The following EXOC4 variants were observed in gnomAD, a reference collection of about 807,000 sequenced individuals.
EXOC4 encodes SEC8-like 1.
EXOC4 carries 71 observed loss-of-function variants against 107.2 expected under a neutral mutation model. The observed-to-expected ratio is 0.66, with a 90% CI of 0.55 to 0.81. The LOEUF (loss-of-function observed/expected upper bound fraction) is 0.81. EXOC4 is among the 30% of genes least tolerant of loss of function. The pLI, the probability that EXOC4 is intolerant of heterozygous loss-of-function variation, is 0.00. For synonymous variants in EXOC4, 456 were observed against 441.2 expected (o/e 1.03, Z -0.42); for missense variants, 1,108 against 1,189.6 (o/e 0.93, Z 1.01).
chr7:134,005,708 A>T (rs755317408), intron 16 of EXOC4, among the ~76,000 whole-genome samples: 3 of 152,116 alleles, frequency 2.0e-5, no homozygotes, highest in Non-Finnish European at 2.9e-5. Context: ...CCCTGTTAGG[A>T]CTCCACATTA....
At chr7:133,930,999 T>C (rs1800163786) in intron 13 of EXOC4, among the ~76,000 whole-genome samples, 1 of 152,010 alleles carries the variant, frequency 6.6e-6, no homozygotes, top group Non-Finnish European at 1.5e-5. Flanking sequence ...TTTTCAAGCA[T>C]TCGTCATTTA....
At chr7:133,495,252 A>T (rs1341850904) in intron 9 of EXOC4, among the ~76,000 whole-genome samples, 1 of 151,946 alleles carries the variant, frequency 6.6e-6, no homozygotes, top group Non-Finnish European at 1.5e-5. Context: ...AACTGTCTCC[A>T]ATAAAAAAAA....
chr7:134,046,132 T>C (rs2116553702), intron 17 of EXOC4, among the ~76,000 whole-genome samples: 1 of 152,280 alleles, frequency 6.6e-6, no homozygotes, highest in African/African-American at 2.4e-5. Flanking sequence ...TTGATTCCTC[T>C]TGACAAAGAG....
intron 4 of EXOC4, among the ~76,000 whole-genome samples, chr7:133,316,971 G>A (rs1795003490): frequency 6.6e-6 from 1 of 152,190 alleles, no homozygotes; most frequent in Non-Finnish European, 1.5e-5. Context: ...CTGGCATAGT[G>A]TTATTACAAG....
intron 10 of EXOC4, among the ~76,000 whole-genome samples, chr7:133,701,513 T>C (rs1794655392): frequency 6.6e-6 from 1 of 152,170 alleles, no homozygotes; most frequent in African/African-American, 2.4e-5. Flanking sequence ...GGGCCTCCAA[T>C]GGATACCTGA....
rs1284329701 is a variant in EXOC4, at chr7:133,441,650, C to T, written c.1183-33678C>T. On this transcript the variant is annotated intron_variant, in intron 7 of 17. Transcript: ENST00000253861. ...TCAAGCAATTCACCCACCTCGGCCTCCCAAAGTGCTGGGATTACAGGCATG... is the reference window on the plus strand; with the variant it reads ...TCAAGCAATTCACCCACCTCGGCCTTCCAAAGTGCTGGGATTACAGGCATG... Among the ~76,000 whole-genome samples, 6 of 152,306 alleles carry T rather than the reference C, an allele frequency of 3.9e-5. No homozygotes were observed. In the East Asian group the frequency reaches 9.6e-4, roughly 24 times the overall value.
At chr7:133,426,475 G>T (rs2150768101) in intron 7 of EXOC4, among the ~76,000 whole-genome samples, 1 of 152,356 alleles carries the variant, frequency 6.6e-6, no homozygotes, top group East Asian at 1.9e-4. Context: ...CTCATGAAGT[G>T]TGGGATAATA....
At chr7:133,866,839 T>C (rs988919083) in intron 11 of EXOC4, among the ~76,000 whole-genome samples, 1 of 152,224 alleles carries the variant, frequency 6.6e-6, no homozygotes, top group Non-Finnish European at 1.5e-5. Flanking sequence ...TCAAGCTAAC[T>C]AACACATCCC....
intron 9 of EXOC4, among the ~76,000 whole-genome samples, chr7:133,511,420 A>G (rs749887863): frequency 7.9e-5 from 12 of 152,176 alleles, no homozygotes; most frequent in Non-Finnish European, 1.2e-4. Context: ...GTAAGGGTTG[A>G]TTATGCAAAC....
intron 11 of EXOC4, among the ~76,000 whole-genome samples, chr7:133,867,886 A>G (rs10237839): frequency 0.018 from 2,735 of 152,304 alleles, 83 homozygotes; most frequent in African/African-American, 0.061. Context: ...ACTGTGTGTT[A>G]TCTTACTGTA....
At chr7:133,610,163 G>A (rs1802044446) in intron 9 of EXOC4, among the ~76,000 whole-genome samples, 1 of 152,064 alleles carries the variant, frequency 6.6e-6, no homozygotes. Context: ...AATTCTTTAG[G>A]GAAGTTGACA....
At chr7:134,020,942 C>T (rs1229751519) in intron 17 of EXOC4, among the ~76,000 whole-genome samples, 2 of 151,252 alleles carry the variant, frequency 1.3e-5, no homozygotes, top group Non-Finnish European at 2.9e-5. Flanking sequence ...GCCGAGATTG[C>T]ACCACTGCAC....
chr7:133,532,905 A>G (rs1174667406), intron 9 of EXOC4, among the ~76,000 whole-genome samples: 1 of 152,092 alleles, frequency 6.6e-6, no homozygotes, highest in East Asian at 1.9e-4. Context: ...TTTGAGTTTA[A>G]AACTAGAGAT....
chr7:133,447,033 G>C (rs777368974), intron 7 of EXOC4, among the ~76,000 whole-genome samples: 1 of 152,080 alleles, frequency 6.6e-6, no homozygotes, highest in Non-Finnish European at 1.5e-5. Context: ...CATTTTGGTT[G>C]GTTTTTAACC....
At chr7:133,580,509 A>C (rs929806633) in intron 9 of EXOC4, among the ~76,000 whole-genome samples, 1 of 152,092 alleles carries the variant, frequency 6.6e-6, no homozygotes, top group Non-Finnish European at 1.5e-5. Context: ...ACGCTCCTAC[A>C]TTTCTGTTTA....
chr7:133,280,892 C>G (rs113076860), intron 2 of EXOC4, among the ~76,000 whole-genome samples: 3 of 152,184 alleles, frequency 2.0e-5, no homozygotes, highest in African/African-American at 7.2e-5. Flanking sequence ...GGAAGAAGGC[C>G]TTTGGTTTCT....
At chr7:133,528,792 G>GT (rs1473934325) in intron 9 of EXOC4, among the ~76,000 whole-genome samples, 6 of 152,096 alleles carry the variant, frequency 3.9e-5, no homozygotes, top group African/African-American at 1.4e-4. Context: ...GAAAATGTAC[G>GT]TAAGTTTGGA....
the EXOC4 span, among the ~76,000 whole-genome samples, chr7:134,089,155 A>C: frequency 5.1e-4 from 77 of 152,226 alleles, no homozygotes; most frequent in African/African-American, 1.5e-3. Context: ...TACCCCTTTA[A>C]CTTCAGCCAA....
chr7:133,319,838 C>CTTTTTTT (rs35274622), intron 5 of EXOC4, among the ~76,000 whole-genome samples: 20 of 94,612 alleles, frequency 2.1e-4, no homozygotes, highest in African/African-American at 3.4e-4. Context: ...TGATCGTGTG[C>CTTTTTTT]TTTTTTTTTT....
Sources: allele counts gnomAD v4.1 joint callset (sites outside exome capture counted in the v4.1 genomes callset), GRCh38; gene constraint gnomAD v4.1.1; transcripts MANE v1.5; gene names NCBI Gene and HGNC (gene_info 2026-07-23, HGNC 2026-07-21).